UBASH3A: variants seen among roughly 807,000 people sequenced by gnomAD.
The protein encoded by UBASH3A is ubiquitin associated and SH3 domain containing A.
Under a neutral mutation model 73.5 loss-of-function variants are expected in UBASH3A, and 63 were observed. The observed-to-expected ratio is 0.86, with a 90% CI of 0.70 to 1.06. The LOEUF (loss-of-function observed/expected upper bound fraction) is 1.06, where lower values mean the gene tolerates loss of function less well. UBASH3A is among the 50% of genes least tolerant of loss of function. The pLI is 0.00. For synonymous variants in UBASH3A, 363 were observed against 351.1 expected (o/e 1.03, Z -0.38); for missense variants, 860 against 859.0 (o/e 1.00, Z -0.02).
In UBASH3A at chr21:42,418,412, C is replaced by T. The variant is rs200055560; in HGVS notation, c.849C>T (p.Ala283=). 1.9e-5 allele frequency: 30 copies of T among 1,613,616 alleles called. No homozygotes were observed. Among genetic ancestry groups the T allele is most frequent in the Non-Finnish European group, 2.5e-5 (29 of 1,179,678 alleles). The part of the protein sequence containing the change: ...MRFVHYQTLR[A]LFQYKPQNVD... ...TGCCTCTTTTCTAGACCCTGAGAGC[C>T]CTATTCCAGTACAAACCCCAGAACG... is the stretch of plus-strand genomic sequence containing the variant. Residue 283 remains alanine (A), a synonymous_variant, in exon 7 of 15, where the codon GCC becomes GCT. Transcript: ENST00000319294.
chr21:42,444,450 C>A (rs960692223), intron 13 of UBASH3A, 84 bp from the exon 14 acceptor site: 1 of 1,012,198 alleles, frequency 9.9e-7, no homozygotes, highest in Non-Finnish European at 1.5e-6. Context: ...GATAGCTCTG[C>A]CCCCCACCAC....
chr21:42,405,973 A>G (rs2052961623), intron 1 of UBASH3A, among the ~76,000 whole-genome samples: 2 of 80,816 alleles, frequency 2.5e-5, no homozygotes, highest in Non-Finnish European at 4.3e-5. Context: ...GGTCCATTTG[A>G]TCTAGGCAGT....
chr21:42,439,458 C>T (rs567058730), intron 11 of UBASH3A, among the ~76,000 whole-genome samples: 2 of 152,256 alleles, frequency 1.3e-5, no homozygotes, highest in Admixed American at 6.5e-5. Flanking sequence ...CACCTCTGGG[C>T]TCTCAATGAG....
Position 42,446,692 on chromosome 21 carries a change from A to G in UBASH3A, c.1849-365A>G, listed in dbSNP as rs971401201. Among the ~76,000 whole-genome samples, 6 of 152,084 alleles carry G rather than the reference A, an allele frequency of 3.9e-5. 1 individual carries two copies. The highest frequency in any genetic ancestry group is 2.6e-4 in the Admixed American group (4 of 15,262). On this transcript the variant is annotated intron_variant, in intron 14 of 14. Coordinates refer to ENST00000319294, the MANE Select transcript of UBASH3A (RefSeq NM_018961.4). The stretch of plus-strand genomic sequence containing the variant: ...GATGCTGAATATGAGAATATGAGTC[A>G]CTCCTTAAGTGGTGGATGGCAATCT...
chr21:42,412,043 G>A (rs1328695949), intron 3 of UBASH3A, among the ~76,000 whole-genome samples: 4 of 152,222 alleles, frequency 2.6e-5, no homozygotes, highest in African/African-American at 9.6e-5. Context: ...GCCCGGTGCT[G>A]GGAAGAGAAG....
intron 3 of UBASH3A, among the ~76,000 whole-genome samples, chr21:42,411,771 A>G (rs190408534): frequency 3.3e-5 from 5 of 152,368 alleles, no homozygotes; most frequent in Admixed American, 2.6e-4. Context: ...GAAGTGTGAT[A>G]TTGATCACAG....
At chr21:42,437,919 C>T (rs982928757) in intron 11 of UBASH3A, among the ~76,000 whole-genome samples, 3 of 152,192 alleles carry the variant, frequency 2.0e-5, no homozygotes, top group Non-Finnish European at 4.4e-5. Flanking sequence ...GGAACTGCTA[C>T]GGTTCCTTGT....
At chr21:42,434,314 G>A (rs888993984) in intron 9 of UBASH3A, among the ~76,000 whole-genome samples, 4 of 151,140 alleles carry the variant, frequency 2.6e-5, no homozygotes, top group Admixed American at 6.6e-5. Context: ...CCCTGGCACC[G>A]GGCAGCCTCT....
chr21:42,420,079 G>T (rs527793923), intron 7 of UBASH3A, among the ~76,000 whole-genome samples: 2 of 152,132 alleles, frequency 1.3e-5, no homozygotes, highest in Non-Finnish European at 1.5e-5. Flanking sequence ...TTTAGTAAAA[G>T]TTTAACCAGA....
rs1195558104 is a variant in UBASH3A, at chr21:42,403,935, G to A, written c.-11G>A. ...GTGCAGGCGAGCTTCTTGGCCTAAG[G>A]GCAGGAAGAGATGGCAGCGGGGGAG... is the stretch of plus-strand genomic sequence containing the variant. On this transcript the variant is annotated 5_prime_UTR_variant, in exon 1 of 15. Transcript: ENST00000319294. The A allele has an allele frequency of 6.7e-7, 1 of 1,492,782 alleles. No individual in the cohort carries two copies. Among genetic ancestry groups the A allele is most frequent in the Non-Finnish European group, 9.0e-7 (1 of 1,112,222 alleles). 92.5% of individuals were successfully genotyped at this position (1,492,782 alleles called of 1,614,324 possible).
rs190316289 is a variant in UBASH3A at position 42,445,267 on chromosome 21, C to T, written c.1848+624C>T. Among the ~76,000 whole-genome samples, 628 of 152,338 alleles carry T rather than the reference C, an allele frequency of 4.1e-3. 2 individuals carry two copies. The highest frequency in any genetic ancestry group is 6.8e-3 in the Middle Eastern group (2 of 294). Reference sequence around the variant, plus strand: ...AGGAGTGCAGATCCCACCCCAGTCCCAGCCCTTCCCTGCAGATCTACTCAA... The same window carrying T: ...AGGAGTGCAGATCCCACCCCAGTCCTAGCCCTTCCCTGCAGATCTACTCAA... On this transcript the variant is annotated intron_variant, in intron 14 of 14. Transcript: ENST00000319294.
chr21:42,434,904 A>T lies in UBASH3A; in HGVS notation c.1343A>T (p.Glu448Val). The T allele has an allele frequency of 1.2e-6, 2 of 1,614,212 alleles. No individual in the cohort carries two copies. The highest frequency in any genetic ancestry group is 1.7e-6 in the Non-Finnish European group (2 of 1,180,034). The change falls in exon 10 of 15, where the codon GAA (glutamate) becomes GTA (valine). Residue 448 changes from glutamate to valine, a missense_variant. Glu to Val is a moderately radical substitution (Grantham distance 121). Transcript: ENST00000319294. Reference sequence around the variant, plus strand: ...CGGAGTCGTGGGATCAAAGACTTTGAAAACGATCCCCCATTATCATCGTGT... The same window carrying T: ...CGGAGTCGTGGGATCAAAGACTTTGTAAACGATCCCCCATTATCATCGTGT... ...PRRSRGIKDF[E>V]NDPPLSSCGI...
intron 8 of UBASH3A, among the ~76,000 whole-genome samples, chr21:42,430,766 C>T (rs73372268): frequency 2.4e-4 from 37 of 152,344 alleles, no homozygotes; most frequent in African/African-American, 8.9e-4. Flanking sequence ...TGGACTGCAG[C>T]TTCATGGACC....
In UBASH3A at chr21:42,408,842, C is replaced by T. The variant is rs1158031019; in HGVS notation, c.168-580C>T. On this transcript the variant is annotated intron_variant, in intron 2 of 14. Transcript: ENST00000319294. ...AGGTTGCAGTGAGCTGAGATTGTGC[C>T]ACTGCACTCCAGCCTGGGTGACAGA... 4.0e-5 allele frequency among the ~76,000 whole-genome samples: 6 copies of T among 149,494 alleles called. No homozygotes were observed. The East Asian group carries it at 1.2e-3, about 29-fold the overall frequency.
In UBASH3A at chr21:42,413,242, T is replaced by G; in HGVS notation, c.553+20T>G. 3 of 1,613,264 alleles carry G rather than the reference T, an allele frequency of 1.9e-6. No individual in the cohort carries two copies. ...TAGCAGGTGGGCAGCCCTGGCCAGTTGCAAACACAGGGCTGGATTCACAGT... is the reference window on the plus strand; with the variant it reads ...TAGCAGGTGGGCAGCCCTGGCCAGTGGCAAACACAGGGCTGGATTCACAGT... On this transcript the variant is annotated intron_variant, in intron 4 of 14. Coordinates refer to ENST00000319294, the MANE Select transcript of UBASH3A (RefSeq NM_018961.4). This position sits in a 1 kb window ranked among gnomAD's most constrained non-coding sequence, Gnocchi z 4.5.
At chr21:42,412,773 G>A (rs984744888) in intron 3 of UBASH3A, among the ~76,000 whole-genome samples, 1 of 152,176 alleles carries the variant, frequency 6.6e-6, no homozygotes, top group African/African-American at 2.4e-5. Flanking sequence ...ACGACCAGGG[G>A]ATTTCCAACC....
chr21:42,445,140 C>A (rs1042343847), intron 14 of UBASH3A, among the ~76,000 whole-genome samples: 4 of 152,322 alleles, frequency 2.6e-5, no homozygotes, highest in East Asian at 1.9e-4. Flanking sequence ...GAATGACAAA[C>A]AGAGGATAAC....
At chr21:42,438,798 T>C (rs560815153) in intron 11 of UBASH3A, among the ~76,000 whole-genome samples, 2 of 151,870 alleles carry the variant, frequency 1.3e-5, no homozygotes, top group South Asian at 4.2e-4. Context: ...GGGGCTGCAG[T>C]GGCTAGAATG....
At chr21:42,434,736 A>T in intron 9 of UBASH3A, 96 bp from the exon 10 acceptor site, 2 of 1,325,278 alleles carry the variant, frequency 1.5e-6, no homozygotes, top group South Asian at 1.4e-5. Flanking sequence ...CAATAATAAC[A>T]TTGCTGTTAG....
Sources: gnomAD v4.1 joint callset for allele counts (sites outside exome capture counted in the v4.1 genomes callset) on GRCh38, gnomAD v4.1.1 for gene constraint, Gnocchi (gnomAD v3.1) non-coding constraint, MANE v1.5 for transcripts, NCBI Gene and HGNC (gene_info 2026-07-23, HGNC 2026-07-21) for gene names.